Variants in MACF1 observed in about 807,000 individuals in gnomAD.
The protein encoded by MACF1 is microtubule-actin cross-linking factor 1.
A neutral mutation model predicts 854.8 loss-of-function variants in MACF1; 193 were observed. The observed-to-expected ratio is 0.23, with a 90% confidence interval of 0.20 to 0.25. MACF1 has a LOEUF of 0.25. MACF1 is among the 10% of genes least tolerant of loss of function. The pLI is 1.00. For synonymous variants in MACF1, 3,185 were observed against 3,226.7 expected (o/e 0.99, Z 0.44); for missense variants, 7,722 against 8,929.1 (o/e 0.86, Z 5.45).
chr1:39,187,892 C>CTG (rs1223906172), intron 2 of MACF1, among the ~76,000 whole-genome samples: 6 of 12,902 alleles, frequency 4.7e-4, no homozygotes, highest in East Asian at 6.5e-3. Flanking sequence ...GTCTCTCTCT[C>CTG]TCTCTCTCTC....
Position 39,283,912 on chromosome 1 carries a change from CT to C in MACF1, c.916-151del, listed in dbSNP as rs1440611959. On this transcript the variant is annotated intron_variant, in intron 9 of 100. Coordinates refer to ENST00000564288, the MANE Select transcript of MACF1 (RefSeq NM_001394062.1). The surrounding 1 kb of genome is among the most constrained non-coding windows in gnomAD (Gnocchi z 4.5). ...CCCCATCCTGAGAGCCCTTGAGGAGCTTTGAAGCTAGTACTGTGAGCATTAA... is the reference window on the plus strand; with the variant it reads ...CCCCATCCTGAGAGCCCTTGAGGAGCTTGAAGCTAGTACTGTGAGCATTAA... Among the ~76,000 whole-genome samples, 1 of 152,142 alleles carries C rather than the reference CT, an allele frequency of 6.6e-6. No homozygotes were observed.
Position 39,284,415 on chromosome 1 carries a change from A to G in MACF1, c.1118A>G (p.Tyr373Cys), listed in dbSNP as rs1645606671. The G allele has an allele frequency of 1.9e-6, 3 of 1,595,692 alleles. No homozygotes were observed. Among genetic ancestry groups the G allele is most frequent in the Non-Finnish European group, 2.6e-6 (3 of 1,172,122 alleles). The change falls in exon 11 of 101, where the codon TAT becomes TGT. Residue 373 changes from tyrosine to cysteine, a missense_variant. Tyr to Cys is a radical substitution (Grantham distance 194). Coordinates refer to ENST00000564288, the MANE Select transcript of MACF1 (RefSeq NM_001394062.1). ...EREKGRIEELYKLLEVWIEFG... is the reference protein window; with the variant it reads ...EREKGRIEELCKLLEVWIEFG... ...GAAAAAGGAAGAATTGAGGAATTAT[A>G]TAAATTACTAGAGGTAAGTGAGCTT...
At chr1:39,269,830 T>C in intron 6 of MACF1, 1 of 851,794 alleles carries the variant, frequency 1.2e-6, no homozygotes, top group Non-Finnish European at 1.6e-6. Context: ...CTCTCAAACT[T>C]ACCCCCATGT....
intron 2 of MACF1, among the ~76,000 whole-genome samples, chr1:39,176,139 T>G (rs1644024836): frequency 1.6e-5 from 1 of 62,108 alleles, no homozygotes; most frequent in Non-Finnish European, 4.4e-5. Flanking sequence ...CCAGGTGTGG[T>G]GGCAGGCGCC....
rs761835574 is a variant in MACF1 at position 39,297,677 on chromosome 1, A to C, written c.2413A>C (p.Lys805Gln). The change falls in exon 21 of 101, where the codon AAA becomes CAA. Residue 805 changes from lysine (K) to glutamine (Q), a missense_variant. Lys to Gln is a moderately conservative substitution (Grantham distance 53). Transcript: ENST00000564288. ...SFLRNLQDSI[K>Q]RKYSCDHNTS... is the part of the protein sequence containing the mutation. ...CTTGAGGAACCTCCAAGATTCCATT[A>C]AACGAAAATATTCCTGTGACCACAA... 6.2e-7 allele frequency: 1 copy of C among 1,614,224 alleles called. No individual in the cohort carries two copies. The highest frequency in any genetic ancestry group is 1.7e-5 in the Admixed American group (1 of 60,022).
intron 2 of MACF1, among the ~76,000 whole-genome samples, chr1:39,232,746 G>GTTTTTTTTTTTTTTTTTTTTTT (rs10712180): frequency 5.4e-5 from 7 of 128,480 alleles, no homozygotes; most frequent in African/African-American, 5.8e-5. Context: ...TACTCTCTTT[G>GTTTTTTTTTTTTTTTTTTTTTT]TTTTTTTTTT....
chr1:39,402,351 G>C (rs1384901956), intron 58 of MACF1, among the ~76,000 whole-genome samples: 3 of 152,082 alleles, frequency 2.0e-5, no homozygotes, highest in Non-Finnish European at 4.4e-5. Flanking sequence ...CTTTCTCAGG[G>C]AAACCTACCC....
chr1:39,233,957 C>T (rs1441496771), intron 2 of MACF1, among the ~76,000 whole-genome samples: 1 of 142,952 alleles, frequency 7.0e-6, no homozygotes, highest in Non-Finnish European at 1.5e-5. Context: ...TGTTTGTGTC[C>T]CTGGGTACTT....
intron 2 of MACF1, among the ~76,000 whole-genome samples, chr1:39,174,077 G>A (rs957896820): frequency 6.6e-5 from 10 of 152,112 alleles, no homozygotes; most frequent in African/African-American, 2.4e-4. Flanking sequence ...ATTAACAACA[G>A]CAACAAAATC....
intron 78 of MACF1, 24 bp downstream of exon 78, chr1:39,442,935 T>C: frequency 6.2e-7 from 1 of 1,602,352 alleles, no homozygotes; most frequent in Non-Finnish European, 8.5e-7. Flanking sequence ...CCAAGTAAGG[T>C]AGGAAGAGCT....
chr1:39,275,915 T>TCTG (rs1553201595), intron 6 of MACF1, among the ~76,000 whole-genome samples: 2 of 144,646 alleles, frequency 1.4e-5, no homozygotes, highest in Non-Finnish European at 3.0e-5. Flanking sequence ...TTCATCTGCT[T>TCTG]CTTCTTCTTC....
At chr1:39,303,621 G>T (rs575432999) in intron 23 of MACF1, among the ~76,000 whole-genome samples, 2 of 151,760 alleles carry the variant, frequency 1.3e-5, no homozygotes, top group South Asian at 4.2e-4. Context: ...GGAGGCCGAG[G>T]GAGGCGGATC....
chr1:39,157,089 C>T (rs1308545377), intron 2 of MACF1, among the ~76,000 whole-genome samples: 3 of 151,990 alleles, frequency 2.0e-5, no homozygotes, highest in Non-Finnish European at 4.4e-5. Context: ...CCCACCTTAG[C>T]CTCCCCAGTA....
chr1:39,164,129 T>G (rs1643860474), intron 2 of MACF1, among the ~76,000 whole-genome samples: 1 of 152,226 alleles, frequency 6.6e-6, no homozygotes, highest in South Asian at 2.1e-4. Context: ...TTCATTTATT[T>G]AACATACTCC....
chr1:39,291,174 A>G (rs188377191), intron 15 of MACF1, among the ~76,000 whole-genome samples: 621 of 151,304 alleles, frequency 4.1e-3, no homozygotes, highest in Non-Finnish European at 7.3e-3. Context: ...ATGGGGTTTC[A>G]CCATGTTGGC....
At chr1:39,378,733 A>G (rs536171156) in intron 53 of MACF1, among the ~76,000 whole-genome samples, 2 of 152,338 alleles carry the variant, frequency 1.3e-5, no homozygotes, top group African/African-American at 2.4e-5. Context: ...TAGAAATACA[A>G]TAGATTGGAT....
At chr1:39,413,977 C>T (rs750633082) in intron 58 of MACF1, 3 of 1,607,354 alleles carry the variant, frequency 1.9e-6, no homozygotes. Context: ...AGTGTCCAAC[C>T]CAGAGGAGCC....
At chr1:39,396,701 G>T (rs1642288162) in intron 58 of MACF1, among the ~76,000 whole-genome samples, 2 of 152,200 alleles carry the variant, frequency 1.3e-5, no homozygotes, top group African/African-American at 4.8e-5. Flanking sequence ...CTTCTAGGAA[G>T]TACGATGAGT....
intron 2 of MACF1, among the ~76,000 whole-genome samples, chr1:39,143,724 A>G (rs1643398289): frequency 6.6e-6 from 1 of 152,180 alleles, no homozygotes; most frequent in Non-Finnish European, 1.5e-5. Context: ...GGCTAGTTTC[A>G]AGACCCTGAG....
Sources: gnomAD v4.1 joint callset for allele counts (sites outside exome capture counted in the v4.1 genomes callset) on GRCh38, gnomAD v4.1.1 for gene constraint, Gnocchi (gnomAD v3.1) non-coding constraint, MANE v1.5 for transcripts, NCBI Gene and HGNC (gene_info 2026-07-23, HGNC 2026-07-21) for gene names.